The following LRFN5 variants were observed in gnomAD, a reference collection of about 807,000 sequenced individuals.
The protein encoded by LRFN5 is leucine-rich repeat and fibronectin type-III domain-containing protein 5.
In LRFN5, 24 loss-of-function variants were observed where a neutral mutation model predicts 45.6. The observed-to-expected ratio is 0.53, with a 90% CI of 0.38 to 0.74. The LOEUF (loss-of-function observed/expected upper bound fraction) is 0.74. Among genes scored for constraint, LRFN5 ranks in the 30% least tolerant of loss-of-function variants. The pLI is 0.00. For missense variants in LRFN5, 776 were observed against 861.5 expected (o/e 0.90, Z 1.24); for synonymous variants, 340 against 313.8 (o/e 1.08, Z -0.88).
intron 2 of LRFN5, among the ~76,000 whole-genome samples, chr14:41,839,968 T>C (rs1445422484): frequency 6.6e-6 from 1 of 152,126 alleles, no homozygotes; most frequent in Non-Finnish European, 1.5e-5. Context: ...TGGCATTCTG[T>C]TTCTTCTTAA....
intron 2 of LRFN5, among the ~76,000 whole-genome samples, chr14:41,877,705 G>A (rs918390808): frequency 6.6e-6 from 1 of 151,824 alleles, no homozygotes; most frequent in African/African-American, 2.4e-5. Flanking sequence ...AAACCCATTA[G>A]GACTATGCAA....
chr14:41,857,482 A>AT (rs1007162414), intron 2 of LRFN5, among the ~76,000 whole-genome samples: 49 of 152,210 alleles, frequency 3.2e-4, no homozygotes, highest in African/African-American at 1.2e-3. Context: ...TATGCTACTT[A>AT]TTTTTTCTAC....
rs145023985 is a variant in LRFN5, at chr14:41,861,828, A to G, written c.-20-24778A>G. Among the ~76,000 whole-genome samples the G allele has an allele frequency of 5.3e-5, 8 of 152,236 alleles. No individual in the cohort carries two copies. In the East Asian group the frequency reaches 1.5e-3, roughly 29 times the overall value. ...TGTAAACACCACCTTGGTCAAGAAA[A>G]AGACTATTGCCAACAGCCTAGACAT... On this transcript the variant is annotated intron_variant, in intron 2 of 5. Transcript: ENST00000298119.
At chr14:41,865,725 C>T (rs1003455911) in intron 2 of LRFN5, among the ~76,000 whole-genome samples, 4 of 152,210 alleles carry the variant, frequency 2.6e-5, no homozygotes. Flanking sequence ...TGTTCACCAA[C>T]ACTTGCTTTC....
At chr14:41,759,469 AC>A (rs1379394732) in intron 1 of LRFN5, among the ~76,000 whole-genome samples, 2 of 73,356 alleles carry the variant, frequency 2.7e-5, no homozygotes, top group Non-Finnish European at 2.6e-5. Context: ...ACACACACAC[AC>A]ACACACACAC....
At chr14:41,658,130 T>C (rs1243372162) in intron 1 of LRFN5, among the ~76,000 whole-genome samples, 3 of 151,970 alleles carry the variant, frequency 2.0e-5, no homozygotes, top group African/African-American at 7.2e-5. Flanking sequence ...GGGTAAGTCA[T>C]GTTACAGGAA....
intron 2 of LRFN5, among the ~76,000 whole-genome samples, chr14:41,885,978 G>A (rs1233866777): frequency 3.1e-5 from 4 of 126,996 alleles, no homozygotes; most frequent in Non-Finnish European, 4.6e-5. Context: ...CCAAGATCAC[G>A]CCACTGCACT....
intron 1 of LRFN5, among the ~76,000 whole-genome samples, chr14:41,689,243 A>C (rs554875899): frequency 6.6e-6 from 1 of 152,188 alleles, no homozygotes; most frequent in African/African-American, 2.4e-5. Flanking sequence ...TTGGAAAGTC[A>C]TACGGAAAGC....
intron 1 of LRFN5, among the ~76,000 whole-genome samples, chr14:41,751,934 G>A (rs1298686365): frequency 6.6e-6 from 1 of 151,908 alleles, no homozygotes; most frequent in African/African-American, 2.4e-5. Context: ...CCCACAACAG[G>A]CCCCGGTGTG....
chr14:41,625,774 A>T (rs879153981), intron 1 of LRFN5, among the ~76,000 whole-genome samples: 1 of 152,154 alleles, frequency 6.6e-6, no homozygotes, highest in Non-Finnish European at 1.5e-5. Flanking sequence ...AGGTAAAAAA[A>T]ATGTCAAGTA....
At chr14:41,884,681 A>G (rs543580039) in intron 2 of LRFN5, among the ~76,000 whole-genome samples, 1 of 152,186 alleles carries the variant, frequency 6.6e-6, no homozygotes, top group Admixed American at 6.5e-5. Context: ...AACGATCTCC[A>G]CCTGGCAGCC....
chr14:41,870,635 T>A (rs527540090), intron 2 of LRFN5, among the ~76,000 whole-genome samples: 21 of 152,296 alleles, frequency 1.4e-4, no homozygotes, highest in African/African-American at 4.8e-4. Flanking sequence ...ATTATTACAA[T>A]TCAAGGTAAT....
intron 2 of LRFN5, among the ~76,000 whole-genome samples, chr14:41,796,282 G>A (rs1348746031): frequency 6.6e-6 from 1 of 151,786 alleles, no homozygotes; most frequent in Non-Finnish European, 1.5e-5. Flanking sequence ...CAGAAAATTA[G>A]CAGGAAATAT....
At chr14:41,788,616 A>G (rs74045424) in intron 2 of LRFN5, among the ~76,000 whole-genome samples, 1 of 152,096 alleles carries the variant, frequency 6.6e-6, no homozygotes, top group Admixed American at 6.6e-5. Context: ...ACTGAAGACA[A>G]CTATAAACAA....
At position 41,638,147 on chromosome 14, in the gene LRFN5, C is replaced by T. The variant is rs187125252; in HGVS notation, c.-197+29585C>T. On this transcript the variant is annotated intron_variant, in intron 1 of 5. Transcript: ENST00000298119. ...GGATAACAGCACCCCAATTTCTCTA[C>T]TCAGCTCATAGAAATTATGTACCCT... Among the ~76,000 whole-genome samples the T allele has an allele frequency of 1.4e-3, 206 of 152,220 alleles. 1 individual carries two copies. The highest frequency in any genetic ancestry group is 4.8e-3 in the African/African-American group (200 of 41,546).
At chr14:41,817,973 A>G (rs954073596) in intron 2 of LRFN5, among the ~76,000 whole-genome samples, 2 of 152,148 alleles carry the variant, frequency 1.3e-5, no homozygotes, top group Admixed American at 6.6e-5. Context: ...CAGAAATTCA[A>G]TGACATTTTG....
intron 2 of LRFN5, among the ~76,000 whole-genome samples, chr14:41,787,896 T>C (rs1036290447): frequency 4.6e-5 from 7 of 152,014 alleles, no homozygotes; most frequent in African/African-American, 1.7e-4. Context: ...CGGGAGGTAA[T>C]TAAGGTTAGA....
In LRFN5 at chr14:41,722,204, A is replaced by G. The variant is rs1266722613; in HGVS notation, c.-196-44650A>G. Among the ~76,000 whole-genome samples, 6 of 152,186 alleles carry G rather than the reference A, an allele frequency of 3.9e-5. No homozygotes were observed. In the East Asian group the frequency reaches 9.6e-4, roughly 24 times the overall value. On this transcript the variant is annotated intron_variant, in intron 1 of 5. Transcript: ENST00000298119. ...ATTTTGAAATTCCTTAAGTTTTTCA[A>G]TTTCAGAAATTCTGATTGATATCTT...
At chr14:41,836,833 T>A (rs866023388) in intron 2 of LRFN5, among the ~76,000 whole-genome samples, 49 of 106,744 alleles carry the variant, frequency 4.6e-4, no homozygotes, top group African/African-American at 2.0e-3. Flanking sequence ...TTGTTGGGTA[T>A]CTTAATAGAA....
Sources: allele counts gnomAD v4.1 joint callset (sites outside exome capture counted in the v4.1 genomes callset), GRCh38; gene constraint gnomAD v4.1.1; transcripts MANE v1.5; gene names NCBI Gene and HGNC (gene_info 2026-07-23, HGNC 2026-07-21).